The following PFKFB4 variants were observed in gnomAD, a reference collection of about 807,000 sequenced individuals.
The protein encoded by PFKFB4 is 6-phosphofructo-2-kinase/fructose-2,6-bisphosphatase 4.
PFKFB4 carries 42 observed loss-of-function variants against 62.8 expected under a neutral mutation model. That is an observed-to-expected ratio of 0.67 (90% CI 0.52 to 0.86). The LOEUF is 0.86. Ranked by LOEUF, PFKFB4 falls within the 40% of genes least tolerant of loss-of-function variation. The pLI is 0.00. For missense variants in PFKFB4, 475 were observed against 627.2 expected, an observed-to-expected ratio of 0.76 and a Z score of 2.59; for synonymous variants, 204 against 240.7, an observed-to-expected ratio of 0.85 and a Z score of 1.41.
At chr3:48,550,358 C>T in intron 1 of PFKFB4, 124 bp from the exon 2 acceptor site, 1 of 685,704 alleles carries the variant, frequency 1.5e-6, no homozygotes, top group Non-Finnish European at 2.6e-6. Context: ...TTCTTGGCTT[C>T]CTAGCATCCC....
Position 48,556,605 on chromosome 3 carries a change from C to T in PFKFB4, c.97+76G>A, listed in dbSNP as rs1178371873. Reference sequence around the variant, plus strand: ...ATCTGTCTCCCGCCCCTTCTCCATGCGAGACCCCCGCCCAGGCCGCCCTAC... The same window carrying T: ...ATCTGTCTCCCGCCCCTTCTCCATGTGAGACCCCCGCCCAGGCCGCCCTAC... On this transcript the variant is annotated intron_variant, in intron 1 of 13. Transcript: ENST00000232375. The surrounding 1 kb of genome is among the most constrained non-coding windows in gnomAD (Gnocchi z 5.7). 4.7e-6 allele frequency: 7 copies of T among 1,474,510 alleles called. No homozygotes were observed. The highest frequency in any genetic ancestry group is 2.4e-5 in the East Asian group (1 of 41,294). The allele number at this position is 1,474,510 out of a possible 1,614,324, so 91.3% of individuals were successfully genotyped here. A position where few individuals can be genotyped will look rare whatever the true frequency, so the allele number is the denominator to read the frequency against.
intron 9 of PFKFB4, among the ~76,000 whole-genome samples, chr3:48,532,962 T>C (rs576706072): frequency 6.3e-4 from 96 of 152,276 alleles, no homozygotes; most frequent in African/African-American, 2.1e-3. Flanking sequence ...TTATATGAGG[T>C]ATATAAAGTA....
chr3:48,536,324 C>T lies in PFKFB4; in HGVS notation c.772G>A (p.Gly258Arg), dbSNP rs372708182. The change falls in exon 8 of 14, where the codon GGG becomes AGG. Residue 258 changes from glycine (G) to arginine (R), a missense_variant. Coordinates refer to ENST00000232375, the MANE Select transcript of PFKFB4 (RefSeq NM_004567.4). ...TPRSIYLCRH[G>R]ESELNLKGRI... ...CCCTTGAGGTTGAGCTCGCTCTCCC[C>T]GTGCCGGCAGAGGTAGATGGAGCGG... 53 of 1,614,098 alleles carry T rather than the reference C, an allele frequency of 3.3e-5. No homozygotes were observed. Among genetic ancestry groups the T allele is most frequent in the South Asian group, 5.5e-5 (5 of 91,086 alleles).
At chr3:48,524,038 G>A (rs922991985) in intron 10 of PFKFB4, among the ~76,000 whole-genome samples, 7 of 152,184 alleles carry the variant, frequency 4.6e-5, no homozygotes, top group African/African-American at 7.2e-5. Context: ...CTAGGTCCTG[G>A]TAGGATTGAG....
In PFKFB4 at chr3:48,556,572, G is replaced by T; in HGVS notation, c.97+109C>A. On this transcript the variant is annotated intron_variant, in intron 1 of 13. Transcript: ENST00000232375. The surrounding 1 kb of genome is among the most constrained non-coding windows in gnomAD (Gnocchi z 5.7). ...AGTCACGGCAACCTCACCTGTCCCC[G>T]GTTCCCCATCTGTCTCCCGCCCCTT... 7.7e-7 allele frequency: 1 copy of T among 1,301,062 alleles called. No individual in the cohort carries two copies. The highest frequency in any genetic ancestry group is 1.0e-6 in the Non-Finnish European group (1 of 958,696). The allele number at this position is 1,301,062 out of a possible 1,614,324, so 80.6% of individuals were successfully genotyped here. A position where few individuals can be genotyped will look rare whatever the true frequency, so the allele number is the denominator to read the frequency against.
intron 3 of PFKFB4, among the ~76,000 whole-genome samples, 183 bp downstream of exon 3, chr3:48,549,681 C>A (rs371872642): frequency 6.6e-6 from 1 of 152,066 alleles, no homozygotes; most frequent in East Asian, 1.9e-4. Flanking sequence ...AGAGACCAGC[C>A]TTGTCACACA....
At chr3:48,523,652 C>T (rs1339754268) in intron 11 of PFKFB4, 49 bp downstream of exon 11, 1 of 1,613,950 alleles carries the variant, frequency 6.2e-7, no homozygotes, top group African/African-American at 1.3e-5. Context: ...GGTGACAGTG[C>T]CTACCTTCTC....
At chr3:48,531,375 T>G (rs2042420307) in intron 9 of PFKFB4, among the ~76,000 whole-genome samples, 1 of 151,666 alleles carries the variant, frequency 6.6e-6, no homozygotes, top group African/African-American at 2.4e-5. Context: ...CTCATTCCTG[T>G]AATCCCAGCT....
intron 3 of PFKFB4, among the ~76,000 whole-genome samples, chr3:48,547,443 G>A (rs2043000019): frequency 6.6e-6 from 1 of 152,078 alleles, no homozygotes; most frequent in African/African-American, 2.4e-5. Context: ...GAGTATGAGT[G>A]TGCCTGTTTA....
chr3:48,543,577 C>T lies in PFKFB4; in HGVS notation c.378+3G>A. The T allele has an allele frequency of 6.2e-7, 1 of 1,606,802 alleles. No homozygotes were observed. The highest frequency in any genetic ancestry group is 1.3e-5 in the African/African-American group (1 of 74,988). ...CCAGCTGTCACCAGGGTGTCACACT[C>T]ACCGCCACATGTCCCCCCTCCTCAC... On this transcript the variant is annotated splice_donor_region_variant and intron_variant, in intron 4 of 13. Coordinates refer to ENST00000232375, the MANE Select transcript of PFKFB4 (RefSeq NM_004567.4).
In PFKFB4 at chr3:48,523,618, A is replaced by G. The variant is rs371450804; in HGVS notation, c.1223-19T>C. ...AGCTGTTCTGTAGACACAGAGGGGG[A>G]TGGCTAGCACACCAGAAATGCCTGG... is the stretch of plus-strand genomic sequence containing the variant. On this transcript the variant is annotated intron_variant, in intron 11 of 13. Coordinates refer to ENST00000232375, the MANE Select transcript of PFKFB4 (RefSeq NM_004567.4). 1 of 1,613,872 alleles carries G rather than the reference A, an allele frequency of 6.2e-7. No individual in the cohort carries two copies. Among genetic ancestry groups the G allele is most frequent in the South Asian group, 1.1e-5 (1 of 91,066 alleles).
intron 3 of PFKFB4, among the ~76,000 whole-genome samples, chr3:48,547,299 T>A (rs944647422): frequency 5.9e-5 from 9 of 152,116 alleles, no homozygotes; most frequent in African/African-American, 1.9e-4. Context: ...ACACAGGGGG[T>A]GTGCATGTGT....
upstream of PFKFB4, among the ~76,000 whole-genome samples, chr3:48,558,314 G>A (rs2043380041): frequency 6.6e-6 from 1 of 151,836 alleles, no homozygotes; most frequent in South Asian, 2.1e-4. Flanking sequence ...CCACCAACAC[G>A]GCTTCAACCT....
Position 48,523,778 on chromosome 3 carries a change from C to T in PFKFB4, c.1145G>A (p.Arg382Lys). ...RLEPVIMELE[R>K]QENVLVICHQ... The stretch of plus-strand genomic sequence containing the variant: ...GCAGATGACCAGCACATTCTCTTGC[C>T]TCTCCAGCTCCATGATGACAGGCTC... The change falls in exon 11 of 14, where the codon AGG becomes AAG. Residue 382 changes from arginine to lysine, a missense_variant. Transcript: ENST00000232375. The T allele has an allele frequency of 6.2e-7, 1 of 1,614,222 alleles. No homozygotes were observed. The highest frequency in any genetic ancestry group is 8.5e-7 in the Non-Finnish European group (1 of 1,180,038).
rs1362831727 is a variant in PFKFB4, at chr3:48,556,635, C to A, written c.97+46G>T. 1.9e-6 allele frequency: 3 copies of A among 1,584,936 alleles called. No individual in the cohort carries two copies. The highest frequency in any genetic ancestry group is 1.8e-5 in the Admixed American group (1 of 56,306). On this transcript the variant is annotated intron_variant, in intron 1 of 13. Transcript: ENST00000232375. This position sits in a 1 kb window ranked among gnomAD's most constrained non-coding sequence, Gnocchi z 5.7. ...CCCCCGCCCAGGCCGCCCTACCCAC[C>A]CATCCCGGTGCACCTCCCACCTCCT...
chr3:48,534,813 A>T (rs2042539300), intron 9 of PFKFB4, among the ~76,000 whole-genome samples: 1 of 146,326 alleles, frequency 6.8e-6, no homozygotes, highest in Admixed American at 6.8e-5. Flanking sequence ...GCAGAAGAGC[A>T]TTTTTTTTTT....
In PFKFB4 at chr3:48,523,899, C is replaced by G. The variant is rs927328897; in HGVS notation, c.1093-69G>C. Reference sequence around the variant, plus strand: ...GGGAGGGACAGACACATCCTGGACACTGGGCCACCTTCCACTCCTGCAGCT... The same window carrying G: ...GGGAGGGACAGACACATCCTGGACAGTGGGCCACCTTCCACTCCTGCAGCT... On this transcript the variant is annotated intron_variant, in intron 10 of 13. Coordinates refer to ENST00000232375, the MANE Select transcript of PFKFB4 (RefSeq NM_004567.4). 3 of 1,495,822 alleles carry G rather than the reference C, an allele frequency of 2.0e-6. No homozygotes were observed. The African/African-American group carries it at 4.1e-5, about 21-fold the overall frequency. 92.7% of individuals were successfully genotyped at this position (1,495,822 alleles called of 1,614,324 possible). A position where few individuals can be genotyped will look rare whatever the true frequency, so the allele number is the denominator to read the frequency against.
In PFKFB4 at chr3:48,549,116, A is replaced by C. The variant is rs550518969; in HGVS notation, c.311+748T>G. Among the ~76,000 whole-genome samples the C allele has an allele frequency of 9.9e-4, 151 of 152,338 alleles. 1 individual carries two copies. Among genetic ancestry groups the C allele is most frequent in the African/African-American group, 3.4e-3 (140 of 41,578 alleles). The stretch of plus-strand genomic sequence containing the variant: ...TCAAGACCACAGCTAACACCTCCTG[A>C]GAAAAGCACAGCATGGCTGCTCAGA... On this transcript the variant is annotated intron_variant, in intron 3 of 13. Transcript: ENST00000232375.
intron 9 of PFKFB4, among the ~76,000 whole-genome samples, chr3:48,530,271 T>A (rs889869971): frequency 1.1e-4 from 16 of 151,638 alleles, no homozygotes; most frequent in African/African-American, 3.4e-4. Context: ...AATAAATAAA[T>A]AAAAATAAAA....
Sources: gnomAD v4.1 joint callset for allele counts (sites outside exome capture counted in the v4.1 genomes callset) on GRCh38, gnomAD v4.1.1 for gene constraint, Gnocchi (gnomAD v3.1) non-coding constraint, MANE v1.5 for transcripts, NCBI Gene and HGNC (gene_info 2026-07-23, HGNC 2026-07-21) for gene names.